Variants in CCNY observed in about 807,000 individuals in gnomAD.
The protein encoded by CCNY is cyclin Y, also known as cyclin-Y.
A neutral mutation model predicts 42.8 loss-of-function variants in CCNY; 19 were observed. The observed-to-expected ratio is 0.44, with a 90% CI of 0.31 to 0.65. CCNY has a LOEUF of 0.65. Ranked by LOEUF, CCNY falls within the 30% of genes least tolerant of loss-of-function variation. CCNY has a pLI of 0.07. For missense variants in CCNY, 370 were observed against 437.3 expected, an observed-to-expected ratio of 0.85 and a Z score of 1.37; for synonymous variants, 165 against 162.7, an observed-to-expected ratio of 1.01 and a Z score of -0.11.
chr10:35,384,256 T>C (rs1837255419), intron 1 of CCNY, among the ~76,000 whole-genome samples: 1 of 152,202 alleles, frequency 6.6e-6, no homozygotes, highest in Admixed American at 6.5e-5. Flanking sequence ...TCTGTGCTTT[T>C]CTCCAAAGAT....
Position 35,486,834 on chromosome 10 carries a change from A to G in CCNY, c.229+3356A>G, listed in dbSNP as rs115393865. Among the ~76,000 whole-genome samples the G allele has an allele frequency of 2.2e-3, 337 of 152,172 alleles. 1 individual carries two copies. Among genetic ancestry groups the G allele is most frequent in the African/African-American group, 7.7e-3 (321 of 41,526 alleles). ...GGATTTCTCCTTCCCTTTTTCACAC[A>G]GCTGATTTCTTCTGTCCTCCAGGCT... On this transcript the variant is annotated intron_variant, in intron 2 of 9. Coordinates refer to ENST00000374704, the MANE Select transcript of CCNY (RefSeq NM_145012.6).
In CCNY at chr10:35,290,222, T is replaced by TCTCACACA. The variant is rs1554774113; in HGVS notation, c.-9+39597_-9+39598insTCACACAC. On this transcript the variant is annotated intron_variant, in intron 3 of 11. Transcript: ENST00000374706. Reference sequence around the variant, plus strand: ...GCCTGGGCAACACAGCAAGACTCCATCACACACACACACACACACACACAC... The same window carrying TCTCACACA: ...GCCTGGGCAACACAGCAAGACTCCATCTCACACACACACACACACACACACACACACAC... 5.9e-4 allele frequency among the ~76,000 whole-genome samples: 73 copies of TCTCACACA among 122,958 alleles called. 1 individual carries two copies. The highest frequency in any genetic ancestry group is 3.7e-3 in the East Asian group (15 of 4,102). 80.7% of individuals were successfully genotyped at this position (122,958 alleles called of 152,430 possible).
In CCNY at chr10:35,304,316, T is replaced by A. The variant is rs541945560; in HGVS notation, c.-9+53690T>A. ...TTTATTTTTTTTTTTTTTTTATTTT[T>A]TATTTTTTTTTGAGACGGAGTCTCG... On this transcript the variant is annotated intron_variant, in intron 3 of 11. Coordinates refer to the CCNY transcript ENST00000374706. Among the ~76,000 whole-genome samples the A allele has an allele frequency of 0.025, 1,287 of 52,138 alleles. 255 individuals are homozygous for A. The East Asian group carries it at 0.25, about 10-fold the overall frequency. 34.2% of individuals were successfully genotyped at this position (52,138 alleles called of 152,430 possible). A position where few individuals can be genotyped will look rare whatever the true frequency, so the allele number is the denominator to read the frequency against.
chr10:35,397,568 A>G (rs1195701752), intron 1 of CCNY, among the ~76,000 whole-genome samples: 1 of 152,268 alleles, frequency 6.6e-6, no homozygotes, highest in East Asian at 1.9e-4. Flanking sequence ...GAGACACAAC[A>G]TTGGCGGTGG....
intron 1 of CCNY, among the ~76,000 whole-genome samples, chr10:35,400,601 C>A (rs1837621967): frequency 6.6e-6 from 1 of 152,144 alleles, no homozygotes; most frequent in Non-Finnish European, 1.5e-5. Flanking sequence ...AAAGAATTAT[C>A]AGTAGCTGTT....
chr10:35,421,483 A>T (rs1838157997), intron 1 of CCNY, among the ~76,000 whole-genome samples: 1 of 152,196 alleles, frequency 6.6e-6, no homozygotes, highest in Admixed American at 6.5e-5. Flanking sequence ...CGACCCAGGG[A>T]ACACAGAGCT....
chr10:35,388,245 A>G (rs1315103825), intron 1 of CCNY, among the ~76,000 whole-genome samples: 3 of 152,348 alleles, frequency 2.0e-5, no homozygotes, highest in East Asian at 1.9e-4. Context: ...TAGGTAGGCT[A>G]TATTTGTAGA....
At chr10:35,417,067 G>A (rs1023768412) in intron 1 of CCNY, among the ~76,000 whole-genome samples, 6 of 152,204 alleles carry the variant, frequency 3.9e-5, no homozygotes, top group African/African-American at 1.4e-4. Flanking sequence ...GTCGAGAGAG[G>A]CATACTTACT....
In CCNY at chr10:35,390,628, T is replaced by C. The variant is rs1223052899; in HGVS notation, c.154+53421T>C. Among the ~76,000 whole-genome samples, 3 of 152,084 alleles carry C rather than the reference T, an allele frequency of 2.0e-5. No homozygotes were observed. The East Asian group carries it at 5.8e-4, about 29-fold the overall frequency. On this transcript the variant is annotated intron_variant, in intron 1 of 9. Transcript: ENST00000374704. ...CCTTGGAACTTTCTGGGCCTTAGAG[T>C]TGCAGTCTCATTTCCCTCTGCTTCC...
chr10:35,449,714 CAG>C (rs1838874153), intron 1 of CCNY: 5 of 982,498 alleles, frequency 5.1e-6, no homozygotes, highest in Non-Finnish European at 6.0e-6. Context: ...GACCACAGGT[CAG>C]AGAGGTGCAG....
At chr10:35,503,374 A>G (rs1265591500) in intron 3 of CCNY, among the ~76,000 whole-genome samples, 1 of 152,168 alleles carries the variant, frequency 6.6e-6, no homozygotes. Flanking sequence ...TACATAACAG[A>G]TGACCCTGTA....
intron 1 of CCNY, among the ~76,000 whole-genome samples, chr10:35,381,507 G>A (rs536030210): frequency 2.6e-5 from 4 of 151,680 alleles, no homozygotes; most frequent in Non-Finnish European, 4.4e-5. Context: ...TGGAGGTTGC[G>A]GTGAGCTGAG....
intron 1 of CCNY, among the ~76,000 whole-genome samples, chr10:35,458,292 A>G (rs1192232542): frequency 6.6e-6 from 1 of 152,170 alleles, no homozygotes; most frequent in Non-Finnish European, 1.5e-5. Context: ...TCCCTCTTCC[A>G]AGGGTGGAGA....
intron 2 of CCNY, among the ~76,000 whole-genome samples, chr10:35,249,432 T>C (rs535968877): frequency 2.0e-5 from 3 of 151,822 alleles, no homozygotes; most frequent in East Asian, 1.9e-4. Flanking sequence ...GTAGATTGTT[T>C]ATGTTGTTTA....
intron 3 of CCNY, among the ~76,000 whole-genome samples, chr10:35,257,068 C>T (rs548451534): frequency 6.6e-6 from 1 of 152,112 alleles, no homozygotes; most frequent in African/African-American, 2.4e-5. Context: ...CATGTATTTA[C>T]CTTTATTGAA....
chr10:35,406,468 A>G (rs1837775336), intron 1 of CCNY, among the ~76,000 whole-genome samples: 1 of 151,974 alleles, frequency 6.6e-6, no homozygotes, highest in South Asian at 2.1e-4. Flanking sequence ...CTGTTTAACA[A>G]AGCACATCTT....
chr10:35,356,818 T>C (rs1836561090), intron 1 of CCNY, among the ~76,000 whole-genome samples: 1 of 152,182 alleles, frequency 6.6e-6, no homozygotes, highest in African/African-American at 2.4e-5. Context: ...TCTCTCTCTC[T>C]CCTTAACAGA....
intron 9 of CCNY, among the ~76,000 whole-genome samples, chr10:35,567,677 A>G (rs1173551616): frequency 2.6e-5 from 4 of 152,252 alleles, no homozygotes; most frequent in African/African-American, 9.6e-5. Context: ...GAAACCTGTT[A>G]TGGATTACAC....
chr10:35,391,959 A>G (rs1480353969), intron 1 of CCNY, among the ~76,000 whole-genome samples: 1 of 140,932 alleles, frequency 7.1e-6, no homozygotes, highest in African/African-American at 2.8e-5. Context: ...TCCTAGTCAC[A>G]GGAATCGCAG....
Sources: allele counts gnomAD v4.1 joint callset (sites outside exome capture counted in the v4.1 genomes callset), GRCh38; gene constraint gnomAD v4.1.1; transcripts MANE v1.5; gene names NCBI Gene and HGNC (gene_info 2026-07-23, HGNC 2026-07-21).